Variants in ZNF780B observed in about 807,000 individuals in gnomAD.
ZNF780B encodes zinc finger protein 779.
A neutral mutation model predicts 74.1 loss-of-function variants in ZNF780B; 52 were observed. The ratio of observed to expected loss-of-function variants is 0.70; its 90% confidence interval spans 0.56 to 0.88. ZNF780B has a LOEUF of 0.88. Ranked by LOEUF, ZNF780B falls within the 40% of genes least tolerant of loss-of-function variation. The pLI, the probability that ZNF780B is intolerant of heterozygous loss-of-function variation, is 0.00. For synonymous variants in ZNF780B, 315 were observed against 324.3 expected (o/e 0.97, Z 0.31); for missense variants, 953 against 1,007.6 (o/e 0.95, Z 0.73).
At chr19:40,043,245 C>A (rs928633466) in intron 4 of ZNF780B, among the ~76,000 whole-genome samples, 21 of 151,754 alleles carry the variant, frequency 1.4e-4, no homozygotes, top group African/African-American at 4.8e-4. Flanking sequence ...ATATTGGTGA[C>A]CCGCAAATGC....
intron 4 of ZNF780B, among the ~76,000 whole-genome samples, chr19:40,044,694 A>G (rs1179840292): frequency 6.6e-6 from 1 of 152,246 alleles, no homozygotes; most frequent in Non-Finnish European, 1.5e-5. Flanking sequence ...ACCTACTGAC[A>G]CAGCAAACAT....
At chr19:40,049,059 GGA>G in intron 2 of ZNF780B, 1 of 351,422 alleles carries the variant, frequency 2.8e-6, no homozygotes, top group Non-Finnish European at 5.2e-6. Flanking sequence ...TGCACTCCCT[GGA>G]AAAAAAAAAA....
Position 40,034,244 on chromosome 19 carries a change from T to A in ZNF780B, c.*113A>T, listed in dbSNP as rs144990881. 2.5e-4 allele frequency: 229 copies of A among 917,692 alleles called. No homozygotes were observed. The East Asian group carries it at 5.7e-3, about 23-fold the overall frequency. The allele number at this position is 917,692 out of a possible 1,614,324, so 56.8% of individuals were successfully genotyped here. A position where few individuals can be genotyped will look rare whatever the true frequency, so the allele number is the denominator to read the frequency against. On this transcript the variant is annotated 3_prime_UTR_variant, in exon 5 of 5. Transcript: ENST00000434248. Reference sequence around the variant, plus strand: ...TAAGGTTTCTACCACTGGTAAAGCATTTCCCACATCCTTGACATTCATAAG... The same window carrying A: ...TAAGGTTTCTACCACTGGTAAAGCAATTCCCACATCCTTGACATTCATAAG...
intron 1 of ZNF780B, among the ~76,000 whole-genome samples, chr19:40,053,952 A>C (rs1973355943): frequency 6.6e-6 from 1 of 152,276 alleles, no homozygotes; most frequent in Non-Finnish European, 1.5e-5. Flanking sequence ...CCAGAGTTCG[A>C]GACCACCCTG....
chr19:40,038,158 T>C (rs894546950), intron 4 of ZNF780B, among the ~76,000 whole-genome samples: 2 of 151,820 alleles, frequency 1.3e-5, no homozygotes, highest in Non-Finnish European at 2.9e-5. Context: ...AGTCAGAACA[T>C]GTGGTGTTTG....
At chr19:40,041,777 C>T (rs540722315) in intron 4 of ZNF780B, among the ~76,000 whole-genome samples, 1 of 152,058 alleles carries the variant, frequency 6.6e-6, no homozygotes, top group African/African-American at 2.4e-5. Flanking sequence ...TCCTCCATCC[C>T]TTTATTTTGA....
At chr19:40,040,395 G>A (rs534146004) in intron 4 of ZNF780B, among the ~76,000 whole-genome samples, 11 of 152,176 alleles carry the variant, frequency 7.2e-5, no homozygotes, top group Admixed American at 2.0e-4. Flanking sequence ...TCTCTGCCCA[G>A]CTTTGGTATC....
Position 40,050,342 on chromosome 19 carries a change from A to G in ZNF780B, c.-10T>C. On this transcript the variant is annotated 5_prime_UTR_variant, in exon 2 of 5. Transcript: ENST00000434248. ...AACTTACATGGACCATGTTTCTAGA[A>G]TTACAAAATTGGTCAATCTTCCTCG... 6.3e-7 allele frequency: 1 copy of G among 1,595,232 alleles called. No homozygotes were observed. Among genetic ancestry groups the G allele is most frequent in the South Asian group, 1.1e-5 (1 of 89,642 alleles).
At position 40,035,986 on chromosome 19, in the gene ZNF780B, A is replaced by G; in HGVS notation, c.873T>C (p.Asn291=). Residue 291 remains asparagine (N), a synonymous_variant, in exon 5 of 5, where the codon AAT becomes AAC. Transcript: ENST00000434248. ...ECGKAFNRGS[N]LIQHQKIHSN... ...AATGAATTTTTTGATGCTGAATAAG[A>G]TTTGAACCACGATTAAAGGCTTTCC... 6.2e-7 allele frequency: 1 copy of G among 1,613,874 alleles called. No homozygotes were observed. The highest frequency in any genetic ancestry group is 8.5e-7 in the Non-Finnish European group (1 of 1,179,964).
chr19:40,038,007 C>T (rs1490668513), intron 4 of ZNF780B, among the ~76,000 whole-genome samples: 1 of 151,656 alleles, frequency 6.6e-6, no homozygotes, highest in African/African-American at 2.4e-5. Context: ...TGGTGTGCTG[C>T]ACCCATTAAC....
rs751929058 is a variant in ZNF780B, at chr19:40,036,524, C to A, written c.335G>T (p.Gly112Val). 13 of 1,604,144 alleles carry A rather than the reference C, an allele frequency of 8.1e-6. No homozygotes were observed. The South Asian group carries it at 1.5e-4, about 18-fold the overall frequency. The change falls in exon 5 of 5, where the codon GGC becomes GTC. Residue 112 changes from glycine (G) to valine (V), a missense_variant. Physicochemically the swap from Gly to Val is moderately radical, Grantham distance 109 (BLOSUM62 -3). Coordinates refer to ENST00000434248, the MANE Select transcript of ZNF780B (RefSeq NM_001005851.3). ...HVIKQISKTLGLEAFYFRNDS... is the reference protein window; with the variant it reads ...HVIKQISKTLVLEAFYFRNDS... ...ATTTCTAAAATAAAAGGCCTCGAGG[C>A]CAAGTGTTTTACTTATTTGCTTTAT...
chr19:40,047,000 A>G (rs1972961523), intron 4 of ZNF780B, among the ~76,000 whole-genome samples: 1 of 152,202 alleles, frequency 6.6e-6, no homozygotes, highest in African/African-American at 2.4e-5. Flanking sequence ...GCTACTTAGG[A>G]GGTTGAGGCA....
chr19:40,051,730 A>G (rs1299633784), intron 1 of ZNF780B, among the ~76,000 whole-genome samples: 12 of 152,210 alleles, frequency 7.9e-5, no homozygotes, highest in Admixed American at 7.9e-4. Context: ...CACCAATATA[A>G]TTAGACATTT....
chr19:40,031,093 A>G lies in ZNF780B; in HGVS notation c.*3264T>C, dbSNP rs762611540. 2 of 152,250 alleles carry G rather than the reference A, an allele frequency of 1.3e-5. No homozygotes were observed. Among genetic ancestry groups the G allele is most frequent in the Non-Finnish European group, 2.9e-5 (2 of 68,044 alleles). 9.4% of individuals were successfully genotyped at this position (152,250 alleles called of 1,614,324 possible). The stretch of plus-strand genomic sequence containing the variant: ...ATCTGACCAGGGTATATTCATAAAA[A>G]GAAGAAAGCTATCAATATAAATTAT... On this transcript the variant is annotated 3_prime_UTR_variant, in exon 5 of 5. Transcript: ENST00000434248.
At chr19:40,047,187 T>C in intron 4 of ZNF780B, 188 bp downstream of exon 4, 1 of 535,678 alleles carries the variant, frequency 1.9e-6, no homozygotes. Flanking sequence ...AATGATGAAG[T>C]TCCTTGGGGA....
chr19:40,034,087 T>G lies in ZNF780B; in HGVS notation c.*270A>C. 1 of 518,892 alleles carries G rather than the reference T, an allele frequency of 1.9e-6. No individual in the cohort carries two copies. The highest frequency in any genetic ancestry group is 2.2e-5 in the South Asian group (1 of 44,606). 32.1% of individuals were successfully genotyped at this position (518,892 alleles called of 1,614,324 possible). On this transcript the variant is annotated 3_prime_UTR_variant, in exon 5 of 5. Transcript: ENST00000434248. ...ATTACTGCTAAAGGCCTTTTCACAT[T>G]CCTTACATTCATAGGGTTTCTCATC...
intron 4 of ZNF780B, among the ~76,000 whole-genome samples, chr19:40,037,104 G>A (rs182422555): frequency 3.9e-5 from 6 of 152,060 alleles, no homozygotes; most frequent in East Asian, 1.9e-4. Flanking sequence ...TAGTAGAGAC[G>A]AGGTTTCACA....
At chr19:40,053,356 A>T (rs552356169) in intron 1 of ZNF780B, among the ~76,000 whole-genome samples, 1 of 152,232 alleles carries the variant, frequency 6.6e-6, no homozygotes, top group South Asian at 2.1e-4. Context: ...TTAAACCTAC[A>T]ATAAGATATC....
intron 1 of ZNF780B, among the ~76,000 whole-genome samples, chr19:40,053,706 T>C (rs970576634): frequency 1.3e-5 from 2 of 152,060 alleles, no homozygotes; most frequent in African/African-American, 4.8e-5. Flanking sequence ...TATATGCAGG[T>C]ATATATACAC....
Sources: gnomAD v4.1 joint callset for allele counts (sites outside exome capture counted in the v4.1 genomes callset) on GRCh38, gnomAD v4.1.1 for gene constraint, MANE v1.5 for transcripts, NCBI Gene and HGNC (gene_info 2026-07-23, HGNC 2026-07-21) for gene names.